PAXIP1: variants seen among roughly 807,000 people sequenced by gnomAD.
PAXIP1 encodes the protein PAX-interacting protein 1.
Under a neutral mutation model 140.6 loss-of-function variants are expected in PAXIP1, and 19 were observed. That is an observed-to-expected ratio of 0.14 (90% CI 0.09 to 0.20). The LOEUF (loss-of-function observed/expected upper bound fraction) is 0.20. Ranked by LOEUF, PAXIP1 falls within the 10% of genes least tolerant of loss-of-function variation. PAXIP1 has a pLI of 1.00. For synonymous variants in PAXIP1, 442 were observed against 444.6 expected, an observed-to-expected ratio of 0.99 and a Z score of 0.07; for missense variants, 920 against 1,208.6, an observed-to-expected ratio of 0.76 and a Z score of 3.54.
rs746099872 is a variant in PAXIP1, at chr7:154,946,623, C to T, written c.3058-36G>A. The T allele has an allele frequency of 6.8e-6, 11 of 1,613,206 alleles. No homozygotes were observed. Among genetic ancestry groups the T allele is most frequent in the East Asian group, 2.2e-5 (1 of 44,870 alleles). On this transcript the variant is annotated intron_variant, in intron 18 of 20. Coordinates refer to ENST00000404141, the MANE Select transcript of PAXIP1 (RefSeq NM_007349.4). This position sits in a 1 kb window ranked among gnomAD's most constrained non-coding sequence, Gnocchi z 4.9. ...GAAAATGAGTTTCTCAGTGACCGAA[C>T]GCTGAATGTGATACAGGGCAATGAC... is the stretch of plus-strand genomic sequence containing the variant.
At chr7:154,950,020 AG>A (rs1322421472) in intron 16 of PAXIP1, 1 of 152,262 alleles carries the variant, frequency 6.6e-6, no homozygotes, top group African/African-American at 2.4e-5. Context: ...TTACCTTAGT[AG>A]TAGCAATGTA....
intron 13 of PAXIP1, among the ~76,000 whole-genome samples, chr7:154,958,969 T>C (rs1808644257): frequency 6.6e-6 from 1 of 152,234 alleles, no homozygotes; most frequent in Non-Finnish European, 1.5e-5. Context: ...ACAATACATC[T>C]ATGATCACAT....
chr7:154,955,064 G>A (rs1808446929), intron 15 of PAXIP1, among the ~76,000 whole-genome samples: 1 of 152,096 alleles, frequency 6.6e-6, no homozygotes, highest in Non-Finnish European at 1.5e-5. Flanking sequence ...ATCATCCTTT[G>A]GGATGTTATT....
rs772803152 is a variant in PAXIP1, at chr7:154,946,604, G to A, written c.3058-17C>T. 6.2e-7 allele frequency: 1 copy of A among 1,613,208 alleles called. No homozygotes were observed. The highest frequency in any genetic ancestry group is 8.5e-7 in the Non-Finnish European group (1 of 1,179,282). ...CGACAAACTCTAAGGAAAAGAAAAT[G>A]AGTTTCTCAGTGACCGAACGCTGAA... On this transcript the variant is annotated splice_polypyrimidine_tract_variant and intron_variant, in intron 18 of 20. Coordinates refer to ENST00000404141, the MANE Select transcript of PAXIP1 (RefSeq NM_007349.4). The surrounding 1 kb of genome is among the most constrained non-coding windows in gnomAD (Gnocchi z 4.9).
At chr7:154,985,362 G>C (rs971613782) in intron 4 of PAXIP1, among the ~76,000 whole-genome samples, 1 of 151,962 alleles carries the variant, frequency 6.6e-6, no homozygotes, top group African/African-American at 2.4e-5. Flanking sequence ...AAATCCAAAG[G>C]CTCCCCCATA....
chr7:154,983,060 G>A (rs908182110), intron 5 of PAXIP1, among the ~76,000 whole-genome samples, 159 bp downstream of exon 5: 3 of 152,086 alleles, frequency 2.0e-5, no homozygotes, highest in Non-Finnish European at 2.9e-5. Flanking sequence ...ATCTCACATC[G>A]TTTGTGGAAT....
At chr7:154,945,734 T>C (rs890953254) in intron 20 of PAXIP1, 3 of 985,240 alleles carry the variant, frequency 3.0e-6, no homozygotes, top group African/African-American at 3.5e-5. Context: ...CATAAGGACC[T>C]GTAAGGCATG....
Position 154,959,916 on chromosome 7 carries a change from A to G in PAXIP1, c.2452T>C (p.Leu818=). 6.2e-7 allele frequency: 1 copy of G among 1,604,576 alleles called. No homozygotes were observed. Among genetic ancestry groups the G allele is most frequent in the Non-Finnish European group, 8.5e-7 (1 of 1,171,502 alleles). Residue 818 remains leucine, a synonymous_variant, in exon 13 of 21, where the codon TTA becomes CTA. Coordinates refer to ENST00000404141, the MANE Select transcript of PAXIP1 (RefSeq NM_007349.4). ...ATCAACAACTCTGCAGACACTTTTA[A>G]GGGAACTCTCCAAGCATCTAAAGAG... is the stretch of plus-strand genomic sequence containing the variant. ...LNLLDAWRVP[L]KVSAELLMSI... is the part of the protein sequence containing the mutation.
Position 154,976,128 on chromosome 7 carries a change from T to C in PAXIP1, c.642A>G (p.Thr214=). The change falls in exon 6 of 21, where the codon ACA becomes ACG. Residue 214 remains threonine (T), a synonymous_variant. Coordinates refer to ENST00000404141, the MANE Select transcript of PAXIP1 (RefSeq NM_007349.4). The part of the protein sequence containing the change: ...EEQDSQNEGS[T]DEKSSPASSQ... ...AGCTGGCAGGGCTTGACTTCTCATCTGTACTACCCTCATTCTGAGAATCTT... is the reference window on the plus strand; with the variant it reads ...AGCTGGCAGGGCTTGACTTCTCATCCGTACTACCCTCATTCTGAGAATCTT... The C allele has an allele frequency of 1.3e-6, 2 of 1,571,766 alleles. No individual in the cohort carries two copies. The highest frequency in any genetic ancestry group is 1.7e-6 in the Non-Finnish European group (2 of 1,156,906).
intron 20 of PAXIP1, chr7:154,945,474 A>T: frequency 1.0e-6 from 1 of 979,124 alleles, no homozygotes; most frequent in Non-Finnish European, 1.2e-6. Flanking sequence ...CGAAGAAAAA[A>T]AAACTCGGCA....
Position 154,956,046 on chromosome 7 carries a change from T to C in PAXIP1, c.2550-415A>G, listed in dbSNP as rs184955751. On this transcript the variant is annotated intron_variant, in intron 14 of 20. Transcript: ENST00000404141. This position sits in a 1 kb window ranked among gnomAD's most constrained non-coding sequence, Gnocchi z 4.2. ...ACCTTGTGTGACTCAGGCCATTCCT[T>C]GTTTGCACGTTCACCATCAATACAA... Among the ~76,000 whole-genome samples the C allele has an allele frequency of 3.5e-4, 53 of 152,362 alleles. 1 individual carries two copies. Among genetic ancestry groups the C allele is most frequent in the Admixed American group, 3.4e-3 (52 of 15,304 alleles).
At chr7:154,952,968 T>A (rs2150742916) in intron 16 of PAXIP1, among the ~76,000 whole-genome samples, 1 of 152,362 alleles carries the variant, frequency 6.6e-6, no homozygotes, top group Admixed American at 6.5e-5. Context: ...GGTCTTCTCA[T>A]CTGTAAAATT....
chr7:154,952,514 A>G (rs1808316454), intron 16 of PAXIP1, among the ~76,000 whole-genome samples: 1 of 152,234 alleles, frequency 6.6e-6, no homozygotes, highest in Non-Finnish European at 1.5e-5. Flanking sequence ...GAAGGCAGTG[A>G]TGTGCCTTAT....
intron 1 of PAXIP1, chr7:155,000,310 T>G (rs1405177373): frequency 6.6e-6 from 1 of 152,234 alleles, no homozygotes; most frequent in Admixed American, 6.5e-5. Context: ...CTTCCTTCCC[T>G]TGACCTCTAA....
At chr7:154,987,295 C>G (rs1005643215) in intron 4 of PAXIP1, among the ~76,000 whole-genome samples, 3 of 152,196 alleles carry the variant, frequency 2.0e-5, no homozygotes, top group African/African-American at 7.2e-5. Flanking sequence ...ACACACAAAC[C>G]TATGTACAAC....
chr7:154,959,776 C>A, intron 13 of PAXIP1, 114 bp downstream of exon 13: 1 of 733,598 alleles, frequency 1.4e-6, no homozygotes, highest in Non-Finnish European at 2.4e-6. Flanking sequence ...GTAGATAATT[C>A]GTTATCATGT....
chr7:154,989,629 T>TA (rs1439847830), intron 4 of PAXIP1, among the ~76,000 whole-genome samples: 1 of 152,252 alleles, frequency 6.6e-6, no homozygotes, highest in African/African-American at 2.4e-5. Context: ...TTTTTTCTAA[T>TA]AGTTTTTATT....
Position 154,993,769 on chromosome 7 carries a change from G to A in PAXIP1, c.217C>T (p.Pro73Ser). The A allele has an allele frequency of 6.3e-7, 1 of 1,581,222 alleles. No homozygotes were observed. Among genetic ancestry groups the A allele is most frequent in the East Asian group, 2.3e-5 (1 of 43,290 alleles). ...TGAACGGACAGAATCACCCAAGAAG[G>A]CTGAAAAAGAAAAGATTAAATCAAA... ...REVFDLPVVK[P>S]SWVILSVQCG... The change falls in exon 3 of 21, where the codon CCT becomes TCT. Residue 73 changes from proline (P) to serine (S), a missense_variant and splice_region_variant. Physicochemically the swap from Pro to Ser is moderately conservative, Grantham distance 74 (BLOSUM62 -1). Transcript: ENST00000404141.
intron 4 of PAXIP1, among the ~76,000 whole-genome samples, chr7:154,984,369 G>T (rs969743229): frequency 6.6e-6 from 1 of 152,118 alleles, no homozygotes; most frequent in Non-Finnish European, 1.5e-5. Flanking sequence ...TAAATTTATT[G>T]TAAGTTGAGG....
Sources: gnomAD v4.1 joint callset for allele counts (sites outside exome capture counted in the v4.1 genomes callset) on GRCh38, gnomAD v4.1.1 for gene constraint, Gnocchi (gnomAD v3.1) non-coding constraint, MANE v1.5 for transcripts, NCBI Gene and HGNC (gene_info 2026-07-23, HGNC 2026-07-21) for gene names.